Variants in DMAP1 observed in about 807,000 individuals in gnomAD.
DMAP1 encodes DNA methyltransferase 1-associated protein 1.
Under a neutral mutation model 52.7 loss-of-function variants are expected in DMAP1, and 26 were observed. The observed-to-expected ratio is 0.49, with a 90% CI of 0.36 to 0.68. The LOEUF (loss-of-function observed/expected upper bound fraction) is 0.68, where lower values mean the gene tolerates loss of function less well. DMAP1 is among the 30% of genes least tolerant of loss of function. The probability of loss-of-function intolerance (pLI) is 0.00; values close to 1 mark genes in which losing one functional copy is unlikely to be tolerated. For missense variants in DMAP1, 439 were observed against 625.2 expected, an observed-to-expected ratio of 0.70 and a Z score of 3.18; for synonymous variants, 231 against 246.0, an observed-to-expected ratio of 0.94 and a Z score of 0.57.
chr1:44,220,267 C>A lies in DMAP1; in HGVS notation c.1302C>A (p.Asp434Glu). The A allele has an allele frequency of 6.4e-7, 1 of 1,564,680 alleles. No individual in the cohort carries two copies. The highest frequency in any genetic ancestry group is 1.2e-5 in the South Asian group (1 of 85,020). The stretch of plus-strand genomic sequence containing the variant: ...CCGGACTTGGTCCTGACCCCAAGGA[C>A]ACCATCATTGATGTGGTGGGCGCAC... ...TEPGLGPDPK[D>E]TIIDVVGAPL... Residue 434 changes from aspartate to glutamate, a missense_variant, in exon 9 of 10, where the codon GAC (aspartate) becomes GAA (glutamate). By Grantham distance (45) the Asp-to-Glu change is conservative. This residue lies in a region of DMAP1 where 179 missense variants were observed against 285.9 expected (regional missense o/e 0.63). Coordinates refer to ENST00000372289, the MANE Select transcript of DMAP1 (RefSeq NM_019100.5).
At chr1:44,214,489 C>T in intron 2 of DMAP1, 48 bp downstream of exon 2, 1 of 1,613,380 alleles carries the variant, frequency 6.2e-7, no homozygotes, top group East Asian at 2.2e-5. Flanking sequence ...CCTGATTCAC[C>T]TGCCATGCCC....
Position 44,213,604 on chromosome 1 carries a change from G to C in DMAP1, c.-150G>C, listed in dbSNP as rs753070197. 3 of 657,100 alleles carry C rather than the reference G, an allele frequency of 4.6e-6. No homozygotes were observed. Among genetic ancestry groups the C allele is most frequent in the South Asian group, 1.9e-5 (1 of 51,634 alleles). 40.7% of individuals were successfully genotyped at this position (657,100 alleles called of 1,614,324 possible). ...AGCGGTGGGGCACAGGCAGATCCCC[G>C]ACCTGACCTGGACCACCCTTCTCCT... On this transcript the variant is annotated 5_prime_UTR_variant, in exon 1 of 10. Transcript: ENST00000372289. This position sits in a 1 kb window ranked among gnomAD's most constrained non-coding sequence, Gnocchi z 4.5.
chr1:44,219,204 A>G lies in DMAP1; in HGVS notation c.869A>G (p.Lys290Arg). The change falls in exon 6 of 10, where the codon AAA (lysine) becomes AGA (arginine). Residue 290 changes from lysine (K) to arginine (R), a missense_variant. Physicochemically the swap from Lys to Arg is conservative, Grantham distance 26. Coordinates refer to ENST00000372289, the MANE Select transcript of DMAP1 (RefSeq NM_019100.5). ...CGGCGCACGGAACGCAAGGCCCCCA[A>G]AAAGAAGCTACCCCAGAAAAAGGAG... Reference protein sequence around the residue: ...EQRRTERKAPKKKLPQKKEAE... With the variant: ...EQRRTERKAPRKKLPQKKEAE... The G allele has an allele frequency of 1.2e-6, 2 of 1,613,868 alleles. No homozygotes were observed. Among genetic ancestry groups the G allele is most frequent in the Non-Finnish European group, 1.7e-6 (2 of 1,179,946 alleles).
chr1:44,216,315 C>T (rs1017549505), intron 3 of DMAP1: 3 of 151,958 alleles, frequency 2.0e-5, no homozygotes, highest in African/African-American at 7.3e-5. Context: ...TTGCATCCTC[C>T]ACCTCTAGGG....
intron 2 of DMAP1, 112 bp downstream of exon 2, chr1:44,214,553 T>G: frequency 6.2e-7 from 1 of 1,612,612 alleles, no homozygotes; most frequent in African/African-American, 1.3e-5. Context: ...GGCTCCTGCT[T>G]GCTTAGCAGG....
Position 44,218,671 on chromosome 1 carries a change from C to T in DMAP1, c.636C>T (p.Asp212=). 1 of 1,613,980 alleles carries T rather than the reference C, an allele frequency of 6.2e-7. No individual in the cohort carries two copies. The change falls in exon 5 of 10, where the codon GAC becomes GAT. Residue 212 remains aspartate, a synonymous_variant. Transcript: ENST00000372289. This position sits in a 1 kb window ranked among gnomAD's most constrained non-coding sequence, Gnocchi z 5.6. ...LANVRAVPGT[D]LKIPVFDAGH... is the part of the protein sequence containing the mutation. ...ACGTGCGGGCTGTGCCAGGCACAGACCTTAAGATACCAGTATTTGATGCTG... is the reference window on the plus strand; with the variant it reads ...ACGTGCGGGCTGTGCCAGGCACAGATCTTAAGATACCAGTATTTGATGCTG...
intron 3 of DMAP1, chr1:44,215,859 T>A (rs1009559834): frequency 6.4e-6 from 1 of 157,382 alleles, no homozygotes; most frequent in African/African-American, 2.4e-5. Context: ...CAGAGCTAGA[T>A]TGGGCTAGGT....
rs1354380146 is a variant in DMAP1 at position 44,220,210 on chromosome 1, C to A, written c.1245C>A (p.Gly415=). ...GGPATPASGP[G]PASAEPAVTE... is the part of the protein sequence containing the mutation. ...CTGCCACACCAGCATCAGGCCCAGG[C>A]CCGGCCTCTGCTGAGCCGGCAGTGA... is the stretch of plus-strand genomic sequence containing the variant. The change falls in exon 9 of 10, where the codon GGC becomes GGA. Residue 415 remains glycine (G), a synonymous_variant. Transcript: ENST00000372289. 1 of 1,595,862 alleles carries A rather than the reference C, an allele frequency of 6.3e-7. No homozygotes were observed. The highest frequency in any genetic ancestry group is 1.3e-5 in the African/African-American group (1 of 74,754).
chr1:44,214,344 C>T lies in DMAP1; in HGVS notation c.106-6C>T, dbSNP rs1643744987. Reference sequence around the variant, plus strand: ...TGTGGTTCCTTTCTGTGGTTTCCTTCCTCAGAAAAAATCCAAGAAGTCCTC... The same window carrying T: ...TGTGGTTCCTTTCTGTGGTTTCCTTTCTCAGAAAAAATCCAAGAAGTCCTC... On this transcript the variant is annotated splice_polypyrimidine_tract_variant and splice_region_variant and intron_variant, in intron 1 of 9. Coordinates refer to ENST00000372289, the MANE Select transcript of DMAP1 (RefSeq NM_019100.5). The T allele has an allele frequency of 6.2e-7, 1 of 1,613,670 alleles. No individual in the cohort carries two copies. Among genetic ancestry groups the T allele is most frequent in the Non-Finnish European group, 8.5e-7 (1 of 1,179,868 alleles).
chr1:44,219,277 G>C (rs745450342), intron 6 of DMAP1, 36 bp downstream of exon 6: 16 of 1,598,624 alleles, frequency 1.0e-5, no homozygotes, highest in Non-Finnish European at 8.5e-7. Flanking sequence ...CAGGGTGGAA[G>C]GGTCACCTGG....
chr1:44,218,111 A>G lies in DMAP1; in HGVS notation c.394-200A>G. On this transcript the variant is annotated intron_variant, in intron 3 of 9. Coordinates refer to ENST00000372289, the MANE Select transcript of DMAP1 (RefSeq NM_019100.5). This position sits in a 1 kb window ranked among gnomAD's most constrained non-coding sequence, Gnocchi z 5.6. ...TGGAGACAGTGAAGTTGATCCTGGA[A>G]TAAATCAGAGGCAGGCTACAGTCCC... 2.9e-6 allele frequency: 2 copies of G among 681,216 alleles called. No homozygotes were observed. The highest frequency in any genetic ancestry group is 5.2e-6 in the Non-Finnish European group (2 of 381,222). 42.2% of individuals were successfully genotyped at this position (681,216 alleles called of 1,614,324 possible).
In DMAP1 at chr1:44,218,944, T is replaced by C. The variant is rs1643849822; in HGVS notation, c.721-112T>C. The C allele has an allele frequency of 1.4e-6, 2 of 1,461,498 alleles. No homozygotes were observed. The highest frequency in any genetic ancestry group is 1.9e-6 in the Non-Finnish European group (2 of 1,071,604). 90.5% of individuals were successfully genotyped at this position (1,461,498 alleles called of 1,614,324 possible). A position where few individuals can be genotyped will look rare whatever the true frequency, so the allele number is the denominator to read the frequency against. On this transcript the variant is annotated intron_variant, in intron 5 of 9. Transcript: ENST00000372289. This position sits in a 1 kb window ranked among gnomAD's most constrained non-coding sequence, Gnocchi z 5.6. ...TTTTCATAGCCCTTCACCTCCCTCA[T>C]GATCCATTACTTCTCAGATTCCCTC...
At chr1:44,214,669 T>A in intron 2 of DMAP1, 34 bp from the exon 3 acceptor site, 1 of 1,612,202 alleles carries the variant, frequency 6.2e-7, no homozygotes, top group African/African-American at 1.3e-5. Context: ...ACCTTCTGAT[T>A]CTAACCTCGC....
In DMAP1 at chr1:44,218,926, A is replaced by T. The variant is rs562977724; in HGVS notation, c.721-130A>T. ...ATGGGCCATCCCCCCTGCTTTTCAT[A>T]GCCCTTCACCTCCCTCATGATCCAT... On this transcript the variant is annotated intron_variant, in intron 5 of 9. Coordinates refer to ENST00000372289, the MANE Select transcript of DMAP1 (RefSeq NM_019100.5). This position sits in a 1 kb window ranked among gnomAD's most constrained non-coding sequence, Gnocchi z 5.6. The T allele has an allele frequency of 3.3e-4, 461 of 1,412,730 alleles. 1 individual carries two copies. The African/African-American group carries it at 5.7e-3, about 17-fold the overall frequency. 87.5% of individuals were successfully genotyped at this position (1,412,730 alleles called of 1,614,324 possible).
intron 3 of DMAP1, chr1:44,217,933 A>G (rs1294972146): frequency 5.8e-6 from 2 of 342,438 alleles, no homozygotes; most frequent in Non-Finnish European, 1.1e-5. Flanking sequence ...GATGAGTTGT[A>G]TGGACTAGGG....
At chr1:44,215,446 T>TA in intron 3 of DMAP1, 1 of 419,458 alleles carries the variant, frequency 2.4e-6, no homozygotes, top group South Asian at 1.7e-5. Flanking sequence ...GTCCTTGACT[T>TA]AGTCTTCTCC....
At position 44,220,027 on chromosome 1, in the gene DMAP1, G is replaced by A. The variant is rs761939880; in HGVS notation, c.1062G>A (p.Pro354=). Residue 354 remains proline, a synonymous_variant, in exon 9 of 10, where the codon CCG becomes CCA. Transcript: ENST00000372289. ...MLLELGVELS[P]TPTEELVHMF... ...GCCGCCTGCCTGCAGAGCTGAGCCC[G>A]ACACCTACGGAGGAGCTGGTGCACA... The A allele has an allele frequency of 1.1e-5, 17 of 1,599,606 alleles. No individual in the cohort carries two copies. In the Admixed American group the frequency reaches 1.7e-4, roughly 16 times the overall value.
In DMAP1 at chr1:44,218,984, AC is replaced by A; in HGVS notation, c.721-69del. The stretch of plus-strand genomic sequence containing the variant: ...CAGATTCCCTCACAGACAGCCCAGC[AC>A]CCTGTCACCTCCGTGTCTACCCTCA... On this transcript the variant is annotated intron_variant, in intron 5 of 9. Coordinates refer to ENST00000372289, the MANE Select transcript of DMAP1 (RefSeq NM_019100.5). The surrounding 1 kb of genome is among the most constrained non-coding windows in gnomAD (Gnocchi z 5.6). 1 of 1,570,052 alleles carries A rather than the reference AC, an allele frequency of 6.4e-7. No individual in the cohort carries two copies. Among genetic ancestry groups the A allele is most frequent in the Non-Finnish European group, 8.7e-7 (1 of 1,151,256 alleles).
intron 3 of DMAP1, 120 bp downstream of exon 3, chr1:44,215,018 C>A: frequency 8.7e-7 from 1 of 1,146,934 alleles, no homozygotes; most frequent in African/African-American, 1.5e-5. Context: ...CTGTGATTAC[C>A]CACTCAATCC....
Sources: gnomAD v4.1 joint callset for allele counts on GRCh38, gnomAD v4.1.1 for gene constraint, gnomAD v4.1.1 regional missense constraint, Gnocchi (gnomAD v3.1) non-coding constraint, MANE v1.5 for transcripts, NCBI Gene and HGNC (gene_info 2026-07-23, HGNC 2026-07-21) for gene names.